The following HUNK variants were observed in gnomAD, a reference collection of about 807,000 sequenced individuals.
The protein encoded by HUNK is hormonally up-regulated neu tumor-associated kinase.
A neutral mutation model predicts 61.0 loss-of-function variants in HUNK; 21 were observed. That is an observed-to-expected ratio of 0.34 (90% CI 0.24 to 0.50). The LOEUF (loss-of-function observed/expected upper bound fraction) is 0.50. Ranked by LOEUF, HUNK falls within the 20% of genes least tolerant of loss-of-function variation. HUNK has a pLI of 0.98. For synonymous variants in HUNK, 371 were observed against 386.1 expected, an observed-to-expected ratio of 0.96 and a Z score of 0.46; for missense variants, 772 against 945.7, an observed-to-expected ratio of 0.82 and a Z score of 2.41.
At chr21:31,946,245 T>G in intron 4 of HUNK, 74 bp downstream of exon 4, 1 of 1,459,540 alleles carries the variant, frequency 6.9e-7, no homozygotes, top group Non-Finnish European at 9.4e-7. Context: ...AAATCATGCC[T>G]GAGTATTGGA....
At chr21:31,936,757 T>G (rs1337767547) in intron 2 of HUNK, among the ~76,000 whole-genome samples, 1 of 152,198 alleles carries the variant, frequency 6.6e-6, no homozygotes. Flanking sequence ...TTTTCTCTTA[T>G]TTTTGGTCTT....
At position 31,924,836 on chromosome 21, in the gene HUNK, C is replaced by G; in HGVS notation, c.554+76C>G. 1.6e-6 allele frequency: 2 copies of G among 1,260,670 alleles called. No individual in the cohort carries two copies. Among genetic ancestry groups the G allele is most frequent in the Non-Finnish European group, 2.2e-6 (2 of 910,346 alleles). 78.1% of individuals were successfully genotyped at this position (1,260,670 alleles called of 1,614,324 possible). On this transcript the variant is annotated intron_variant, in intron 2 of 10. Coordinates refer to ENST00000270112, the MANE Select transcript of HUNK (RefSeq NM_014586.2). This position sits in a 1 kb window ranked among gnomAD's most constrained non-coding sequence, Gnocchi z 5.1. ...CACTGGGCTGTGGCACCCTCTGAGC[C>G]TCTGAGAAAGGCTGAGCAATTGCAG... is the stretch of plus-strand genomic sequence containing the variant.
chr21:31,895,083 G>A (rs1336107725), intron 1 of HUNK, among the ~76,000 whole-genome samples: 3 of 152,210 alleles, frequency 2.0e-5, no homozygotes, highest in East Asian at 1.9e-4. Context: ...AGTCTGCTTC[G>A]TTGCTTGTTC....
intron 1 of HUNK, among the ~76,000 whole-genome samples, chr21:31,878,995 T>C (rs1322007821): frequency 6.6e-6 from 1 of 152,206 alleles, no homozygotes; most frequent in Non-Finnish European, 1.5e-5. Flanking sequence ...AGAACTATTT[T>C]TAGGCTAAGA....
At chr21:31,899,756 T>C (rs907568225) in intron 1 of HUNK, among the ~76,000 whole-genome samples, 2 of 151,870 alleles carry the variant, frequency 1.3e-5, no homozygotes. Flanking sequence ...ATTCAGCTCC[T>C]GTAAGTTACA....
Position 31,970,267 on chromosome 21 carries a change from C to T in HUNK, c.1010+1882C>T, listed in dbSNP as rs1021224180. Among the ~76,000 whole-genome samples the T allele has an allele frequency of 2.6e-5, 4 of 152,122 alleles. No individual in the cohort carries two copies. In the East Asian group the frequency reaches 7.7e-4, roughly 29 times the overall value. ...AAGCTCTAGAAAAACTTTAAAGGGGCGTGGGAGTCTGCATCCACACTTCAG... is the reference window on the plus strand; with the variant it reads ...AAGCTCTAGAAAAACTTTAAAGGGGTGTGGGAGTCTGCATCCACACTTCAG... On this transcript the variant is annotated intron_variant, in intron 6 of 10. Coordinates refer to ENST00000270112, the MANE Select transcript of HUNK (RefSeq NM_014586.2).
intron 1 of HUNK, among the ~76,000 whole-genome samples, chr21:31,879,856 G>A (rs993234965): frequency 6.6e-6 from 1 of 152,142 alleles, no homozygotes. Context: ...TTATGGTAAC[G>A]GAGAGACCTG....
chr21:31,971,929 A>C (rs1020226428), intron 6 of HUNK, among the ~76,000 whole-genome samples: 26 of 151,052 alleles, frequency 1.7e-4, no homozygotes, highest in African/African-American at 6.4e-4. Flanking sequence ...CCTGGGCTCG[A>C]GTAACCTTCA....
At chr21:31,941,918 A>C (rs1177881230) in intron 3 of HUNK, among the ~76,000 whole-genome samples, 2 of 152,210 alleles carry the variant, frequency 1.3e-5, no homozygotes, top group Middle Eastern at 3.2e-3. Context: ...TTATATGACA[A>C]TAAAAGTTAG....
intron 1 of HUNK, among the ~76,000 whole-genome samples, chr21:31,904,970 C>T (rs748378352): frequency 5.9e-5 from 9 of 151,672 alleles, no homozygotes; most frequent in Admixed American, 1.3e-4. Flanking sequence ...CCCAGCTACT[C>T]GGGAGGCTGA....
intron 8 of HUNK, among the ~76,000 whole-genome samples, chr21:31,984,186 A>G (rs1415201500): frequency 6.6e-6 from 1 of 152,188 alleles, no homozygotes; most frequent in African/African-American, 2.4e-5. Context: ...GGGTGACTAT[A>G]GTTAACAGTA....
chr21:31,888,283 G>C (rs1208950235), intron 1 of HUNK, among the ~76,000 whole-genome samples: 1 of 152,170 alleles, frequency 6.6e-6, no homozygotes, highest in East Asian at 1.9e-4. Flanking sequence ...AATGAGTGAA[G>C]AAGTAAAGCC....
At chr21:31,930,066 T>C (rs1162403407) in intron 2 of HUNK, among the ~76,000 whole-genome samples, 1 of 152,228 alleles carries the variant, frequency 6.6e-6, no homozygotes, top group East Asian at 1.9e-4. Context: ...GCATTGGAAA[T>C]GTGAGCTCTT....
intron 5 of HUNK, among the ~76,000 whole-genome samples, chr21:31,966,848 A>G (rs2052970461): frequency 6.6e-6 from 1 of 152,206 alleles, no homozygotes; most frequent in South Asian, 2.1e-4. Context: ...GTTGGAAATC[A>G]AGTACAAAGC....
Position 31,938,122 on chromosome 21 carries a change from C to T in HUNK, c.555-2043C>T, listed in dbSNP as rs1181854198. ...AGTTCACCTTTTTTTCTGCATTTGACTCCTTAATTCTTACCATCTTGTAGT... is the reference window on the plus strand; with the variant it reads ...AGTTCACCTTTTTTTCTGCATTTGATTCCTTAATTCTTACCATCTTGTAGT... On this transcript the variant is annotated intron_variant, in intron 2 of 10. Coordinates refer to ENST00000270112, the MANE Select transcript of HUNK (RefSeq NM_014586.2). Among the ~76,000 whole-genome samples the T allele has an allele frequency of 2.6e-5, 4 of 152,150 alleles. No individual in the cohort carries two copies. In the East Asian group the frequency reaches 7.7e-4, roughly 29 times the overall value.
rs2123267672 is a variant in HUNK, at chr21:32,001,757, A to ACT, written c.*2577_*2578dup. 6.6e-6 allele frequency: 1 copy of ACT among 152,092 alleles called. No individual in the cohort carries two copies. Among genetic ancestry groups the ACT allele is most frequent in the Non-Finnish European group, 1.5e-5 (1 of 67,900 alleles). 9.4% of individuals were successfully genotyped at this position (152,092 alleles called of 1,614,324 possible). On this transcript the variant is annotated 3_prime_UTR_variant, in exon 11 of 11. Coordinates refer to ENST00000270112, the MANE Select transcript of HUNK (RefSeq NM_014586.2). ...TTATTATATTTATATGGAAAGCTCGACTCTCCCTTTGGTAAGTCCGAAGCA... is the reference window on the plus strand; with the variant it reads ...TTATTATATTTATATGGAAAGCTCGACTCTCTCCCTTTGGTAAGTCCGAAGCA...
chr21:31,895,682 G>C (rs1363319197), intron 1 of HUNK, among the ~76,000 whole-genome samples: 1 of 152,182 alleles, frequency 6.6e-6, no homozygotes, highest in Non-Finnish European at 1.5e-5. Context: ...AGCAGCCTTT[G>C]AAATAGAGTT....
intron 1 of HUNK, among the ~76,000 whole-genome samples, chr21:31,896,875 T>C (rs2052428393): frequency 6.6e-6 from 1 of 152,240 alleles, no homozygotes. Flanking sequence ...AGTGATCAAC[T>C]AAAAAATGTT....
At position 31,909,460 on chromosome 21, in the gene HUNK, G is replaced by A. The variant is rs528803509; in HGVS notation, c.262-15008G>A. Among the ~76,000 whole-genome samples, 29 of 152,284 alleles carry A rather than the reference G, an allele frequency of 1.9e-4. No homozygotes were observed. In the South Asian group the frequency reaches 3.5e-3, roughly 18 times the overall value. ...GGGAGCTGCCATTGTTTTTTCCTTA[G>A]TCTTGCTTTTTGCCTTTGCCCAGCA... On this transcript the variant is annotated intron_variant, in intron 1 of 10. Coordinates refer to ENST00000270112, the MANE Select transcript of HUNK (RefSeq NM_014586.2).
Sources: allele counts gnomAD v4.1 joint callset (sites outside exome capture counted in the v4.1 genomes callset), GRCh38; gene constraint gnomAD v4.1.1; non-coding constraint Gnocchi (gnomAD v3.1); transcripts MANE v1.5; gene names NCBI Gene and HGNC (gene_info 2026-07-23, HGNC 2026-07-21).